Variants in CNTN5 observed in about 807,000 individuals in gnomAD.
CNTN5 encodes the protein contactin-5.
A neutral mutation model predicts 129.1 loss-of-function variants in CNTN5; 77 were observed. The observed-to-expected ratio is 0.60, with a 90% CI of 0.50 to 0.72. CNTN5 has a LOEUF of 0.72. Among genes scored for constraint, CNTN5 ranks in the 30% least tolerant of loss-of-function variants. The pLI, the probability that CNTN5 is intolerant of heterozygous loss-of-function variation, is 0.00. For synonymous variants in CNTN5, 509 were observed against 465.6 expected, an observed-to-expected ratio of 1.09 and a Z score of -1.20; for missense variants, 1,478 against 1,328.8, an observed-to-expected ratio of 1.11 and a Z score of -1.75.
At chr11:99,611,107 A>T (rs959674719) in intron 3 of CNTN5, among the ~76,000 whole-genome samples, 5 of 152,180 alleles carry the variant, frequency 3.3e-5, no homozygotes, top group Non-Finnish European at 7.4e-5. Context: ...CTTTATTTTC[A>T]AGGTGCCAAC....
At chr11:99,583,833 T>C (rs1363097233) in intron 3 of CNTN5, among the ~76,000 whole-genome samples, 1 of 152,086 alleles carries the variant, frequency 6.6e-6, no homozygotes, top group African/African-American at 2.4e-5. Flanking sequence ...CCCACAGTCC[T>C]GCACCTACTG....
intron 3 of CNTN5, among the ~76,000 whole-genome samples, chr11:99,723,964 A>G (rs1943255493): frequency 6.6e-6 from 1 of 152,166 alleles, no homozygotes; most frequent in South Asian, 2.1e-4. Flanking sequence ...TTAAGCATGT[A>G]CCAAATTAAG....
At chr11:99,967,408 A>G (rs1383383208) in intron 8 of CNTN5, among the ~76,000 whole-genome samples, 1 of 152,152 alleles carries the variant, frequency 6.6e-6, no homozygotes, top group Non-Finnish European at 1.5e-5. Flanking sequence ...TGGAGGGTGA[A>G]GCAAACGTAA....
At chr11:99,661,875 A>G (rs1480414894) in intron 3 of CNTN5, among the ~76,000 whole-genome samples, 5 of 152,142 alleles carry the variant, frequency 3.3e-5, no homozygotes, top group African/African-American at 1.2e-4. Context: ...TAGAAGACTT[A>G]CTTGAAGAGC....
At position 99,787,334 on chromosome 11, in the gene CNTN5, T is replaced by G. The variant is rs544386366; in HGVS notation, c.56-32210T>G. ...CATTTAAGAGACAGTGATCATGAAA[T>G]TAGGACCTGTTCAACTCTTAACATA... On this transcript the variant is annotated intron_variant, in intron 3 of 24. Coordinates refer to ENST00000524871, the MANE Select transcript of CNTN5 (RefSeq NM_014361.4). Among the ~76,000 whole-genome samples the G allele has an allele frequency of 2.6e-5, 4 of 151,728 alleles. No individual in the cohort carries two copies. In the South Asian group the frequency reaches 8.3e-4, roughly 31 times the overall value.
chr11:99,762,322 A>G (rs1944608870), intron 3 of CNTN5, among the ~76,000 whole-genome samples: 1 of 151,574 alleles, frequency 6.6e-6, no homozygotes, highest in South Asian at 2.1e-4. Flanking sequence ...TTGGTGTTTT[A>G]GACATGAAGT....
intron 3 of CNTN5, among the ~76,000 whole-genome samples, chr11:99,569,321 A>T (rs1949104478): frequency 6.6e-6 from 1 of 151,396 alleles, no homozygotes; most frequent in African/African-American, 2.4e-5. Flanking sequence ...TTATTTATTT[A>T]TTTATTTTTT....
chr11:99,838,019 A>G (rs1947360541), intron 4 of CNTN5, among the ~76,000 whole-genome samples: 1 of 152,166 alleles, frequency 6.6e-6, no homozygotes, highest in Non-Finnish European at 1.5e-5. Context: ...CAATTTCTAT[A>G]AGTTAAATAG....
intron 8 of CNTN5, among the ~76,000 whole-genome samples, chr11:99,972,085 T>TTA (rs758208160): frequency 2.2e-5 from 2 of 92,228 alleles, no homozygotes; most frequent in African/African-American, 8.5e-5. Context: ...TTATCTCTAT[T>TTA]AAAAAAAAAA....
intron 3 of CNTN5, among the ~76,000 whole-genome samples, chr11:99,656,645 G>T (rs1319134827): frequency 6.6e-6 from 1 of 152,088 alleles, no homozygotes; most frequent in Non-Finnish European, 1.5e-5. Context: ...CAGGAAGCTG[G>T]CACATTTGCC....
intron 9 of CNTN5, among the ~76,000 whole-genome samples, chr11:100,025,800 A>G (rs996289435): frequency 5.3e-5 from 8 of 152,182 alleles, no homozygotes; most frequent in African/African-American, 1.7e-4. Flanking sequence ...CCCATTTGAA[A>G]TGGATTTGTT....
chr11:100,132,091 C>G (rs1047071830), intron 13 of CNTN5, among the ~76,000 whole-genome samples: 4 of 152,064 alleles, frequency 2.6e-5, no homozygotes, highest in African/African-American at 9.7e-5. Flanking sequence ...AAAGGAAAAG[C>G]CAAATCATAT....
At chr11:99,493,830 A>G (rs543740230) in intron 2 of CNTN5, among the ~76,000 whole-genome samples, 4 of 152,104 alleles carry the variant, frequency 2.6e-5, no homozygotes, top group Non-Finnish European at 5.9e-5. Context: ...TGTAACTCTC[A>G]TTATTATAAA....
At chr11:99,090,315 C>G (rs1298814475) in intron 1 of CNTN5, among the ~76,000 whole-genome samples, 1 of 151,938 alleles carries the variant, frequency 6.6e-6, no homozygotes, top group Non-Finnish European at 1.5e-5. Flanking sequence ...TATTATGGGC[C>G]TGTTGTGGCT....
intron 2 of CNTN5, among the ~76,000 whole-genome samples, chr11:99,412,487 C>T (rs1942442625): frequency 6.6e-6 from 1 of 152,158 alleles, no homozygotes; most frequent in African/African-American, 2.4e-5. Flanking sequence ...TTCACCATCT[C>T]ATTGCTATCC....
chr11:99,758,585 G>A (rs1355011630), intron 3 of CNTN5, among the ~76,000 whole-genome samples: 1 of 151,984 alleles, frequency 6.6e-6, no homozygotes, highest in Non-Finnish European at 1.5e-5. Flanking sequence ...TTCATAGAAT[G>A]TGATAAATTT....
At chr11:99,423,433 G>T (rs1302320951) in intron 2 of CNTN5, among the ~76,000 whole-genome samples, 1 of 152,136 alleles carries the variant, frequency 6.6e-6, no homozygotes, top group Non-Finnish European at 1.5e-5. Flanking sequence ...TGGTCATAAA[G>T]CTGACAAAAG....
At chr11:99,225,049 T>A (rs1392923692) in intron 1 of CNTN5, among the ~76,000 whole-genome samples, 1 of 151,916 alleles carries the variant, frequency 6.6e-6, no homozygotes, top group Non-Finnish European at 1.5e-5. Context: ...AGGACTAGAG[T>A]TGGACAATAT....
chr11:99,639,220 G>A (rs1951676607), intron 3 of CNTN5, among the ~76,000 whole-genome samples: 1 of 152,186 alleles, frequency 6.6e-6, no homozygotes, highest in African/African-American at 2.4e-5. Flanking sequence ...CACACCTGGA[G>A]TGGCTGGGAC....
Sources: allele counts gnomAD v4.1 joint callset (sites outside exome capture counted in the v4.1 genomes callset), GRCh38; gene constraint gnomAD v4.1.1; transcripts MANE v1.5; gene names NCBI Gene and HGNC (gene_info 2026-07-23, HGNC 2026-07-21).